CD226: variants seen among roughly 807,000 people sequenced by gnomAD.
The protein encoded by CD226 is CD226 molecule.
A neutral mutation model predicts 34.9 loss-of-function variants in CD226; 24 were observed. The observed-to-expected ratio is 0.69, with a 90% confidence interval of 0.50 to 0.97. CD226 has a LOEUF of 0.97. CD226 is among the 50% of genes least tolerant of loss of function. The probability of loss-of-function intolerance (pLI) is 0.00; values close to 1 mark genes in which losing one functional copy is unlikely to be tolerated. For synonymous variants in CD226, 148 were observed against 147.4 expected (o/e 1.00, Z -0.03); for missense variants, 397 against 412.7 (o/e 0.96, Z 0.33).
Position 69,874,711 on chromosome 18 carries a change from T to C in CD226, c.728-1465A>G, listed in dbSNP as rs1983755153. 2.0e-5 allele frequency among the ~76,000 whole-genome samples: 3 copies of C among 152,342 alleles called. No homozygotes were observed. The South Asian group carries it at 6.2e-4, about 32-fold the overall frequency. ...ATTTTTTTCATAAGAACTCAAAGTA[T>C]AGACCCACTTATTCTTTCACAAACT... On this transcript the variant is annotated intron_variant, in intron 3 of 5. Transcript: ENST00000582621.
intron 2 of CD226, among the ~76,000 whole-genome samples, chr18:69,911,318 A>G (rs1032483839): frequency 6.6e-6 from 1 of 152,174 alleles, no homozygotes; most frequent in Non-Finnish European, 1.5e-5. Flanking sequence ...GCAAAGAGCA[A>G]CTGAACACCG....
chr18:69,918,097 C>T (rs557052305), intron 2 of CD226, among the ~76,000 whole-genome samples: 39 of 152,328 alleles, frequency 2.6e-4, no homozygotes, highest in African/African-American at 9.4e-4. Context: ...CTCAATTAAA[C>T]AAATCTACTT....
At chr18:69,905,252 G>C (rs1313402030) in intron 2 of CD226, among the ~76,000 whole-genome samples, 2 of 151,402 alleles carry the variant, frequency 1.3e-5, no homozygotes, top group African/African-American at 4.9e-5. Flanking sequence ...GGATGCCTCT[G>C]CTCCTAGATA....
Position 69,863,718 on chromosome 18 carries a change from A to G in CD226, c.*596T>C, listed in dbSNP as rs1982953475. On this transcript the variant is annotated 3_prime_UTR_variant, in exon 6 of 6. Transcript: ENST00000582621. ...CTTCTAACCATGCTCTGAATTGCCCAGTATTGTGCTTTGACCCTGCTTCTC... is the reference window on the plus strand; with the variant it reads ...CTTCTAACCATGCTCTGAATTGCCCGGTATTGTGCTTTGACCCTGCTTCTC... The G allele has an allele frequency of 1.3e-5, 2 of 152,260 alleles. No individual in the cohort carries two copies. Among genetic ancestry groups the G allele is most frequent in the South Asian group, 4.1e-4 (2 of 4,824 alleles). The allele number at this position is 152,260 out of a possible 1,614,324, so 9.4% of individuals were successfully genotyped here.
intron 2 of CD226, among the ~76,000 whole-genome samples, chr18:69,931,554 T>A (rs558877565): frequency 1.1e-4 from 17 of 152,302 alleles, no homozygotes; most frequent in African/African-American, 3.6e-4. Context: ...GTGTGTGCAC[T>A]GCAAAACACA....
intron 4 of CD226, among the ~76,000 whole-genome samples, chr18:69,872,019 G>A (rs2145188536): frequency 6.6e-6 from 1 of 151,012 alleles, no homozygotes; most frequent in East Asian, 2.0e-4. Context: ...AGGATGAAGA[G>A]ACAAGATGGA....
intron 2 of CD226, among the ~76,000 whole-genome samples, chr18:69,903,809 C>T (rs1251951143): frequency 6.6e-6 from 1 of 152,112 alleles, no homozygotes; most frequent in Admixed American, 6.6e-5. Flanking sequence ...CTGCTGATAC[C>T]TTCACTTTGG....
intron 2 of CD226, 136 bp from the exon 3 acceptor site, chr18:69,896,181 C>CTTT (rs33943534): frequency 0.036 from 43,360 of 1,190,590 alleles, 10 homozygotes; most frequent in Middle Eastern, 0.068. Context: ...CTTTATACTA[C>CTTT]TTTTTTTTTT....
intron 2 of CD226, among the ~76,000 whole-genome samples, chr18:69,923,034 G>A (rs1191771776): frequency 1.3e-5 from 2 of 152,090 alleles, no homozygotes; most frequent in African/African-American, 4.8e-5. Context: ...TCAGGAGGCT[G>A]AGGCAGGAGA....
chr18:69,874,604 C>T (rs548357015), intron 3 of CD226, among the ~76,000 whole-genome samples: 3 of 152,158 alleles, frequency 2.0e-5, no homozygotes, highest in Non-Finnish European at 4.4e-5. Context: ...CCTATTGCAG[C>T]CTGAAAACCA....
intron 2 of CD226, among the ~76,000 whole-genome samples, chr18:69,921,821 C>G (rs568918438): frequency 6.6e-6 from 1 of 152,292 alleles, no homozygotes; most frequent in African/African-American, 2.4e-5. Flanking sequence ...CTACTGACTT[C>G]TTTCCTCCGG....
At chr18:69,897,527 A>G (rs1985367254) in intron 2 of CD226, among the ~76,000 whole-genome samples, 1 of 152,206 alleles carries the variant, frequency 6.6e-6, no homozygotes, top group African/African-American at 2.4e-5. Flanking sequence ...GGAGAAATGC[A>G]AAAAGTGGGA....
chr18:69,917,029 C>T (rs918139896), intron 2 of CD226, among the ~76,000 whole-genome samples: 1 of 152,142 alleles, frequency 6.6e-6, no homozygotes, highest in Non-Finnish European at 1.5e-5. Flanking sequence ...CTTACATCTG[C>T]CTACTTCTCT....
At chr18:69,887,344 A>G (rs1272240980) in intron 3 of CD226, among the ~76,000 whole-genome samples, 1 of 147,364 alleles carries the variant, frequency 6.8e-6, no homozygotes, top group African/African-American at 2.5e-5. Flanking sequence ...CACACACACA[A>G]ATTAAAAGAG....
At chr18:69,892,727 A>G (rs1438263360) in intron 3 of CD226, among the ~76,000 whole-genome samples, 1 of 151,516 alleles carries the variant, frequency 6.6e-6, no homozygotes, top group Non-Finnish European at 1.5e-5. Context: ...GCAGGCAGGT[A>G]GGAGTCAGGG....
chr18:69,945,447 T>C (rs754078987), intron 2 of CD226, among the ~76,000 whole-genome samples: 1 of 152,162 alleles, frequency 6.6e-6, no homozygotes, highest in Admixed American at 6.5e-5. Context: ...AAAACCACAA[T>C]CTCTGGTAGA....
chr18:69,866,308 A>C (rs1983140205), intron 5 of CD226, among the ~76,000 whole-genome samples: 1 of 152,296 alleles, frequency 6.6e-6, no homozygotes, highest in South Asian at 2.1e-4. Flanking sequence ...CATAAACAGG[A>C]TGCTATGCAT....
chr18:69,914,163 C>A (rs1205753094), intron 2 of CD226, among the ~76,000 whole-genome samples: 2 of 152,216 alleles, frequency 1.3e-5, no homozygotes, highest in Non-Finnish European at 2.9e-5. Flanking sequence ...TGTGAAAAAT[C>A]TCTGGCTCTG....
rs1029705757 is a variant in CD226, at chr18:69,854,568, C to T, written c.*9746G>A. On this transcript the variant is annotated 3_prime_UTR_variant, in exon 6 of 6. Transcript: ENST00000582621. ...TTCTTGGTAACAAAGATGGAAAGGA[C>T]TCTGCCAAGCACAATTCCCAAACCT... 6.6e-6 allele frequency: 1 copy of T among 152,296 alleles called. No homozygotes were observed. Among genetic ancestry groups the T allele is most frequent in the African/African-American group, 2.4e-5 (1 of 41,454 alleles). The allele number at this position is 152,296 out of a possible 1,614,324, so 9.4% of individuals were successfully genotyped here. A position where few individuals can be genotyped will look rare whatever the true frequency, so the allele number is the denominator to read the frequency against.
Sources: allele counts gnomAD v4.1 joint callset (sites outside exome capture counted in the v4.1 genomes callset), GRCh38; gene constraint gnomAD v4.1.1; transcripts MANE v1.5; gene names NCBI Gene and HGNC (gene_info 2026-07-23, HGNC 2026-07-21).